SNTG1: variants seen among roughly 807,000 people sequenced by gnomAD.
SNTG1 encodes gamma-1-syntrophin.
A neutral mutation model predicts 74.7 loss-of-function variants in SNTG1; 39 were observed. The observed-to-expected ratio is 0.52, with a 90% CI of 0.40 to 0.68. The LOEUF is 0.68. Ranked by LOEUF, SNTG1 falls within the 30% of genes least tolerant of loss-of-function variation. The pLI is 0.00. For missense variants in SNTG1, 685 were observed against 609.5 expected (o/e 1.12, Z -1.30); for synonymous variants, 254 against 217.1 (o/e 1.17, Z -1.49).
At chr8:50,052,922 G>A (rs1266198847) in intron 1 of SNTG1, among the ~76,000 whole-genome samples, 2 of 152,058 alleles carry the variant, frequency 1.3e-5, no homozygotes, top group South Asian at 2.1e-4. Flanking sequence ...ATAAATGCTG[G>A]CCCAGATGCA....
intron 4 of SNTG1, among the ~76,000 whole-genome samples, chr8:50,407,964 G>GA (rs761207009): frequency 1.3e-5 from 2 of 152,166 alleles, no homozygotes; most frequent in Non-Finnish European, 2.9e-5. Flanking sequence ...TGCAAAGTCT[G>GA]AAAAATATCT....
intron 9 of SNTG1, among the ~76,000 whole-genome samples, chr8:50,503,818 T>C (rs2093983949): frequency 6.6e-6 from 1 of 152,220 alleles, no homozygotes; most frequent in African/African-American, 2.4e-5. Flanking sequence ...TATTTTGCTA[T>C]AATAAATAAA....
At chr8:50,138,135 A>T (rs2081535390) in intron 1 of SNTG1, among the ~76,000 whole-genome samples, 2 of 152,166 alleles carry the variant, frequency 1.3e-5, no homozygotes, top group African/African-American at 4.8e-5. Flanking sequence ...AACCTTAAAA[A>T]TGACATTAGT....
intron 2 of SNTG1, among the ~76,000 whole-genome samples, chr8:50,266,262 T>G (rs976307110): frequency 9.9e-5 from 15 of 152,032 alleles, no homozygotes; most frequent in African/African-American, 3.4e-4. Flanking sequence ...AGAATAGAAT[T>G]AAAATTCCGA....
chr8:50,199,859 A>C (rs1257221437), intron 2 of SNTG1, among the ~76,000 whole-genome samples: 1 of 152,140 alleles, frequency 6.6e-6, no homozygotes, highest in Non-Finnish European at 1.5e-5. Flanking sequence ...TGTAGGGAAT[A>C]TTGATTCTGA....
chr8:50,536,641 A>G (rs2094309266), intron 10 of SNTG1, 37 bp from the exon 11 acceptor site: 1 of 1,604,120 alleles, frequency 6.2e-7, no homozygotes, highest in African/African-American at 1.3e-5. Flanking sequence ...AAAGCACAGA[A>G]GAAAAAAATT....
At chr8:50,245,703 G>C (rs955419202) in intron 2 of SNTG1, among the ~76,000 whole-genome samples, 1 of 151,870 alleles carries the variant, frequency 6.6e-6, no homozygotes, top group East Asian at 1.9e-4. Context: ...ACAGACAAAA[G>C]AAAACAAAAC....
At chr8:50,465,350 T>C (rs1437778557) in intron 8 of SNTG1, among the ~76,000 whole-genome samples, 1 of 152,218 alleles carries the variant, frequency 6.6e-6, no homozygotes, top group Non-Finnish European at 1.5e-5. Flanking sequence ...TTCCCCTTTG[T>C]CTTACAGACC....
At chr8:50,320,683 T>C (rs1462642789) in intron 2 of SNTG1, among the ~76,000 whole-genome samples, 1 of 152,118 alleles carries the variant, frequency 6.6e-6, no homozygotes. Flanking sequence ...CTGTATTTGC[T>C]GTATCCCACA....
intron 2 of SNTG1, among the ~76,000 whole-genome samples, chr8:50,375,884 AACTTT>A (rs1219665992): frequency 6.6e-6 from 1 of 152,202 alleles, no homozygotes; most frequent in Non-Finnish European, 1.5e-5. Context: ...GTTATATAGC[AACTTT>A]ACGAAGAACA....
At chr8:50,643,883 C>G (rs1205628265) in intron 13 of SNTG1, 5 of 152,180 alleles carry the variant, frequency 3.3e-5, no homozygotes, top group Non-Finnish European at 7.3e-5. Flanking sequence ...CGCAGAGTAT[C>G]AATAGCTTTG....
At chr8:50,267,291 T>G (rs1238840091) in intron 2 of SNTG1, among the ~76,000 whole-genome samples, 1 of 152,138 alleles carries the variant, frequency 6.6e-6, no homozygotes, top group Non-Finnish European at 1.5e-5. Context: ...CCAGAATATA[T>G]AAAAACTTCT....
chr8:49,958,939 C>A (rs1810433202), intron 1 of SNTG1, among the ~76,000 whole-genome samples: 1 of 152,118 alleles, frequency 6.6e-6, no homozygotes, highest in African/African-American at 2.4e-5. Flanking sequence ...CCTAAAGTAT[C>A]TTGTGTTTGA....
At chr8:49,932,289 A>G (rs576880255) in intron 1 of SNTG1, among the ~76,000 whole-genome samples, 48 of 152,296 alleles carry the variant, frequency 3.2e-4, no homozygotes, top group African/African-American at 1.1e-3. Flanking sequence ...AAGAAAATTA[A>G]TAACTTTTGC....
intron 5 of SNTG1, among the ~76,000 whole-genome samples, chr8:50,440,812 A>G (rs907439815): frequency 2.0e-5 from 3 of 152,198 alleles, no homozygotes; most frequent in African/African-American, 7.2e-5. Context: ...CCATTTACCA[A>G]TGTAGTTAAG....
At chr8:50,299,324 A>G (rs1198622666) in intron 2 of SNTG1, among the ~76,000 whole-genome samples, 1 of 151,980 alleles carries the variant, frequency 6.6e-6, no homozygotes, top group Admixed American at 6.6e-5. Context: ...TCCTTCTTCA[A>G]CTTCACCTTC....
intron 1 of SNTG1, among the ~76,000 whole-genome samples, chr8:49,943,206 C>T (rs918278669): frequency 1.3e-5 from 2 of 152,100 alleles, no homozygotes; most frequent in Non-Finnish European, 2.9e-5. Context: ...AGGTGATTTG[C>T]CAAAGGACAC....
chr8:50,327,717 C>T lies in SNTG1; in HGVS notation c.-27-66495C>T, dbSNP rs567643757. ...TTTATTGTTATTTCTATTCATTGCC[C>T]TTCTTCTTTGTTTCATTTTTGTCTT... is the stretch of plus-strand genomic sequence containing the variant. On this transcript the variant is annotated intron_variant, in intron 2 of 18. Transcript: ENST00000642720. Among the ~76,000 whole-genome samples, 18 of 152,098 alleles carry T rather than the reference C, an allele frequency of 1.2e-4. No individual in the cohort carries two copies. In the East Asian group the frequency reaches 2.9e-3, roughly 25 times the overall value.
At chr8:50,646,178 G>C (rs570382893) in intron 13 of SNTG1, among the ~76,000 whole-genome samples, 20 of 152,162 alleles carry the variant, frequency 1.3e-4, no homozygotes, top group African/African-American at 4.8e-4. Context: ...GGTTTCCTCT[G>C]TCTTAAGTAA....
Sources: allele counts gnomAD v4.1 joint callset (sites outside exome capture counted in the v4.1 genomes callset), GRCh38; gene constraint gnomAD v4.1.1; transcripts MANE v1.5; gene names NCBI Gene and HGNC (gene_info 2026-07-23, HGNC 2026-07-21).